PXMP4: variants seen among roughly 807,000 people sequenced by gnomAD.
PXMP4 encodes the protein peroxisomal membrane protein 4.
PXMP4 carries 16 observed loss-of-function variants against 21.6 expected under a neutral mutation model. The observed-to-expected ratio is 0.74, with a 90% confidence interval of 0.50 to 1.13. The LOEUF (loss-of-function observed/expected upper bound fraction) is 1.13, where lower values mean the gene tolerates loss of function less well. PXMP4 is among the 50% of genes most tolerant of loss of function. The probability of loss-of-function intolerance (pLI) is 0.00; values close to 1 mark genes in which losing one functional copy is unlikely to be tolerated. For missense variants in PXMP4, 240 were observed against 277.7 expected, an observed-to-expected ratio of 0.86 and a Z score of 0.96; for synonymous variants, 127 against 123.8, an observed-to-expected ratio of 1.03 and a Z score of -0.17.
At chr20:33,708,394 C>A (rs1015612748) in intron 3 of PXMP4, among the ~76,000 whole-genome samples, 1 of 151,884 alleles carries the variant, frequency 6.6e-6, no homozygotes, top group Non-Finnish European at 1.5e-5. Flanking sequence ...AATGTGTTGG[C>A]CAGGATGGTC....
intron 2 of PXMP4, among the ~76,000 whole-genome samples, chr20:33,712,610 C>T (rs2018340978): frequency 1.3e-5 from 2 of 152,204 alleles, no homozygotes; most frequent in Admixed American, 6.6e-5. Context: ...ACATCACATC[C>T]GACTAATCTT....
At chr20:33,718,292 C>A (rs905015197) in intron 1 of PXMP4, among the ~76,000 whole-genome samples, 1 of 151,988 alleles carries the variant, frequency 6.6e-6, no homozygotes, top group East Asian at 1.9e-4. Flanking sequence ...AGGCCGATCA[C>A]GAGGTCAGGA....
chr20:33,707,999 G>A (rs1433751660), intron 3 of PXMP4, 30 bp from the exon 4 acceptor site: 11 of 1,587,026 alleles, frequency 6.9e-6, no homozygotes, highest in Non-Finnish European at 9.5e-6. Context: ...GGAATTACTG[G>A]TGATCAATAG....
chr20:33,717,467 C>T (rs1373587227), intron 1 of PXMP4, among the ~76,000 whole-genome samples: 6 of 149,810 alleles, frequency 4.0e-5, no homozygotes, highest in Non-Finnish European at 8.9e-5. Context: ...GGTGAAACCC[C>T]GTCTCTACTA....
Position 33,703,864 on chromosome 20 carries a change from AAGAC to A in PXMP4, c.*3838_*3841del, listed in dbSNP as rs1394439701. The A allele has an allele frequency of 1.3e-5, 2 of 152,276 alleles. No homozygotes were observed. Among genetic ancestry groups the A allele is most frequent in the African/African-American group, 2.4e-5 (1 of 41,432 alleles). The allele number at this position is 152,276 out of a possible 1,614,324, so 9.4% of individuals were successfully genotyped here. A position where few individuals can be genotyped will look rare whatever the true frequency, so the allele number is the denominator to read the frequency against. ...TGACAAGCTAGAGTCCTCAGGCAGA[AAGAC>A]AGAGGGGCGGCCACTGGCAAAGCTG... On this transcript the variant is annotated 3_prime_UTR_variant, in exon 4 of 4. Coordinates refer to ENST00000409299, the MANE Select transcript of PXMP4 (RefSeq NM_007238.5).
chr20:33,707,823 G>C lies in PXMP4; in HGVS notation c.522C>G (p.His174Gln). The C allele has an allele frequency of 6.2e-7, 1 of 1,614,154 alleles. No homozygotes were observed. Among genetic ancestry groups the C allele is most frequent in the Non-Finnish European group, 8.5e-7 (1 of 1,180,044 alleles). ...GCAGCGAGGGCTGCAGGGTGGATCG[G>C]TGATACTCAAAGAGCCACAGCACCA... Reference protein sequence around the residue: ...WGLVLWLFEYHRSTLQPSLQS... With the variant: ...WGLVLWLFEYQRSTLQPSLQS... The change falls in exon 4 of 4, where the codon CAC becomes CAG. Residue 174 changes from histidine (H) to glutamine (Q), a missense_variant. His to Gln is a conservative substitution (Grantham distance 24, BLOSUM62 0). Coordinates refer to ENST00000409299, the MANE Select transcript of PXMP4 (RefSeq NM_007238.5).
In PXMP4 at chr20:33,720,197, G is replaced by GGGGCTGCCATAGTGC. The variant is rs2018436169; in HGVS notation, c.-5_10dup (p.Ala3_Pro4insArgThrMetAlaAla). On this transcript the variant is annotated inframe_insertion, in exon 1 of 4. Coordinates refer to ENST00000409299, the MANE Select transcript of PXMP4 (RefSeq NM_007238.5). ...TACGAGCAGAGCCCTTAGCTGCGGC[G>GGGGCTGCCATAGTGC]GGGCTGCCATAGTGCGGGCTGCGCG... 1 of 1,611,030 alleles carries GGGGCTGCCATAGTGC rather than the reference G, an allele frequency of 6.2e-7. No homozygotes were observed. The highest frequency in any genetic ancestry group is 1.3e-5 in the African/African-American group (1 of 75,022).
intron 2 of PXMP4, among the ~76,000 whole-genome samples, chr20:33,711,866 G>A (rs1379651654): frequency 1.3e-5 from 2 of 151,966 alleles, no homozygotes; most frequent in South Asian, 2.1e-4. Flanking sequence ...GGTGGCACAC[G>A]CGTGTAGTTC....
chr20:33,713,651 A>G (rs1228032631), intron 2 of PXMP4, among the ~76,000 whole-genome samples: 1 of 152,198 alleles, frequency 6.6e-6, no homozygotes, highest in Non-Finnish European at 1.5e-5. Flanking sequence ...CAGATGCTCA[A>G]TAAATATCTG....
intron 1 of PXMP4, among the ~76,000 whole-genome samples, 180 bp from the exon 2 acceptor site, chr20:33,714,916 C>T (rs1251127669): frequency 6.6e-6 from 1 of 152,104 alleles, no homozygotes; most frequent in Non-Finnish European, 1.5e-5. Flanking sequence ...GTCTCAGGCG[C>T]GTCCTTTAAC....
intron 2 of PXMP4, 141 bp downstream of exon 2, chr20:33,714,533 A>G: frequency 1.1e-6 from 1 of 912,598 alleles, no homozygotes; most frequent in Non-Finnish European, 1.8e-6. Context: ...AACAACAACA[A>G]CAACAACAAA....
rs997832210 is a variant in PXMP4 at position 33,706,531 on chromosome 20, T to C, written c.*1175A>G. On this transcript the variant is annotated 3_prime_UTR_variant, in exon 4 of 4. Transcript: ENST00000409299. The stretch of plus-strand genomic sequence containing the variant: ...AGCACATCAGTGGTAGTTGCACAAG[T>C]CCAGTGAGGACCACGGCATTATGAT... The C allele has an allele frequency of 6.6e-6, 1 of 152,092 alleles. No individual in the cohort carries two copies. Among genetic ancestry groups the C allele is most frequent in the African/African-American group, 2.4e-5 (1 of 41,420 alleles). 9.4% of individuals were successfully genotyped at this position (152,092 alleles called of 1,614,324 possible). A position where few individuals can be genotyped will look rare whatever the true frequency, so the allele number is the denominator to read the frequency against.
At chr20:33,719,971 G>C (rs2018429997) in intron 1 of PXMP4, 124 bp downstream of exon 1, 2 of 908,542 alleles carry the variant, frequency 2.2e-6, no homozygotes, top group Non-Finnish European at 1.7e-6. Context: ...TGACCTCCGA[G>C]ACTTAGAGAC....
intron 3 of PXMP4, among the ~76,000 whole-genome samples, chr20:33,709,604 G>A (rs949365036): frequency 6.6e-6 from 1 of 152,020 alleles, no homozygotes; most frequent in East Asian, 1.9e-4. Context: ...GGTCACAGAG[G>A]GACTGGTGAG....
At chr20:33,713,878 G>A (rs1043892770) in intron 2 of PXMP4, among the ~76,000 whole-genome samples, 1 of 152,214 alleles carries the variant, frequency 6.6e-6, no homozygotes, top group Non-Finnish European at 1.5e-5. Flanking sequence ...TGCCTTGAGG[G>A]AAGAGCTACG....
At position 33,702,826 on chromosome 20, in the gene PXMP4, A is replaced by G. The variant is rs187544854; in HGVS notation, c.*4880T>C. On this transcript the variant is annotated 3_prime_UTR_variant, in exon 4 of 4. Coordinates refer to ENST00000409299, the MANE Select transcript of PXMP4 (RefSeq NM_007238.5). ...ATTAACAGGATTGTAGCAGGTGTTT[A>G]GTAAGTAGAGGTTAAACCATTCTAT... 4.8e-4 allele frequency: 73 copies of G among 152,316 alleles called. No homozygotes were observed. Among genetic ancestry groups the G allele is most frequent in the African/African-American group, 1.7e-3 (71 of 41,558 alleles). 9.4% of individuals were successfully genotyped at this position (152,316 alleles called of 1,614,324 possible).
At chr20:33,712,644 T>G (rs2018341601) in intron 2 of PXMP4, among the ~76,000 whole-genome samples, 1 of 152,102 alleles carries the variant, frequency 6.6e-6, no homozygotes, top group Admixed American at 6.6e-5. Flanking sequence ...ATTTATTTAT[T>G]TTGAGACGGA....
chr20:33,712,587 C>T (rs901102519), intron 2 of PXMP4, among the ~76,000 whole-genome samples: 1 of 152,160 alleles, frequency 6.6e-6, no homozygotes, highest in East Asian at 1.9e-4. Flanking sequence ...GTAGCTGGGA[C>T]TACAGGTGTG....
intron 1 of PXMP4, among the ~76,000 whole-genome samples, chr20:33,715,426 T>G (rs2018372865): frequency 6.6e-6 from 1 of 152,006 alleles, no homozygotes; most frequent in African/African-American, 2.4e-5. Context: ...GGGCTGGTTG[T>G]AATTTTTTTC....
Sources: gnomAD v4.1 joint callset for allele counts (sites outside exome capture counted in the v4.1 genomes callset) on GRCh38, gnomAD v4.1.1 for gene constraint, MANE v1.5 for transcripts, NCBI Gene and HGNC (gene_info 2026-07-23, HGNC 2026-07-21) for gene names.